The following ITGAV variants were observed in gnomAD, a reference collection of about 807,000 sequenced individuals.
ITGAV encodes the protein integrin subunit alpha V.
ITGAV carries 76 observed loss-of-function variants against 143.8 expected under a neutral mutation model. That is an observed-to-expected ratio of 0.53 (90% CI 0.44 to 0.64). ITGAV has a LOEUF of 0.64. Ranked by LOEUF, ITGAV falls within the 30% of genes least tolerant of loss-of-function variation. The probability of loss-of-function intolerance (pLI) is 0.00; values close to 1 mark genes in which losing one functional copy is unlikely to be tolerated. For synonymous variants in ITGAV, 453 were observed against 446.7 expected, an observed-to-expected ratio of 1.01 and a Z score of -0.18; for missense variants, 1,193 against 1,274.7, an observed-to-expected ratio of 0.94 and a Z score of 0.98.
In ITGAV at chr2:186,640,792, T is replaced by A. The variant is rs567804760; in HGVS notation, c.904-123T>A. The A allele has an allele frequency of 7.1e-6, 5 of 706,288 alleles. No individual in the cohort carries two copies. The East Asian group carries it at 1.4e-4, about 19-fold the overall frequency. 43.8% of individuals were successfully genotyped at this position (706,288 alleles called of 1,614,324 possible). A position where few individuals can be genotyped will look rare whatever the true frequency, so the allele number is the denominator to read the frequency against. On this transcript the variant is annotated intron_variant, in intron 10 of 29. Transcript: ENST00000261023. ...GGTAGAATAAACAAAAGACAAGACA[T>A]TTAGATTGAAGCACTATATGCAGAG... is the stretch of plus-strand genomic sequence containing the variant.
In ITGAV at chr2:186,636,219, C is replaced by G; in HGVS notation, c.757+12C>G. The stretch of plus-strand genomic sequence containing the variant: ...TGACAGCTATTTGGGTAGGTAAAAC[C>G]AAAATTTACTCATTTTTGGAACTGT... On this transcript the variant is annotated intron_variant, in intron 7 of 29. Transcript: ENST00000261023. 1 of 1,603,936 alleles carries G rather than the reference C, an allele frequency of 6.2e-7. No homozygotes were observed.
In ITGAV at chr2:186,656,236, G is replaced by T; in HGVS notation, c.1565-11G>T. ...AGAATATGTTGGTTATAAATCCTTT[G>T]GTTTACATAGATTTCCAGGTGGAAC... On this transcript the variant is annotated splice_polypyrimidine_tract_variant and intron_variant, in intron 16 of 29. Transcript: ENST00000261023. 6.3e-7 allele frequency: 1 copy of T among 1,577,396 alleles called. No individual in the cohort carries two copies. Among genetic ancestry groups the T allele is most frequent in the Non-Finnish European group, 8.6e-7 (1 of 1,166,112 alleles).
chr2:186,636,275 T>G, intron 7 of ITGAV, 68 bp downstream of exon 7: 2 of 1,217,472 alleles, frequency 1.6e-6, no homozygotes, highest in Non-Finnish European at 2.3e-6. Context: ...GAGTATGGTC[T>G]TTTAAGTAGA....
chr2:186,638,535 G>A (rs377631728), intron 10 of ITGAV, 70 bp downstream of exon 10: 27 of 1,127,634 alleles, frequency 2.4e-5, no homozygotes, highest in African/African-American at 1.3e-4. Context: ...GAAAATTTGC[G>A]AAATAAAACT....
At chr2:186,661,939 A>AT (rs1688759248) in intron 18 of ITGAV, among the ~76,000 whole-genome samples, 1 of 152,110 alleles carries the variant, frequency 6.6e-6, no homozygotes, top group East Asian at 1.9e-4. Context: ...TGTAATATAT[A>AT]TAACTGTAGA....
intron 13 of ITGAV, among the ~76,000 whole-genome samples, chr2:186,649,232 T>A (rs1360528205): frequency 6.6e-6 from 1 of 151,896 alleles, no homozygotes; most frequent in Non-Finnish European, 1.5e-5. Context: ...ATTTTGAGCA[T>A]AAAGTTTTAA....
At chr2:186,601,977 A>G in intron 1 of ITGAV, 44 bp from the exon 2 acceptor site, 2 of 1,585,946 alleles carry the variant, frequency 1.3e-6, no homozygotes, top group East Asian at 2.2e-5. Flanking sequence ...TATTGCTTAC[A>G]CTTTGTTTCA....
chr2:186,622,699 G>C (rs967883669), intron 3 of ITGAV, among the ~76,000 whole-genome samples: 1 of 152,040 alleles, frequency 6.6e-6, no homozygotes, highest in Non-Finnish European at 1.5e-5. Context: ...TTTCCACCTA[G>C]CCAAGTATAG....
At chr2:186,615,507 T>C (rs904384328) in intron 2 of ITGAV, among the ~76,000 whole-genome samples, 15 of 152,100 alleles carry the variant, frequency 9.9e-5, no homozygotes, top group Non-Finnish European at 2.2e-4. Flanking sequence ...TCCTAATGAG[T>C]GTGAAGCCAT....
intron 2 of ITGAV, among the ~76,000 whole-genome samples, chr2:186,620,123 C>T (rs1235792076): frequency 6.6e-6 from 1 of 152,186 alleles, no homozygotes; most frequent in East Asian, 1.9e-4. Flanking sequence ...CCTCTTTGCA[C>T]AAGGTTTTCT....
At chr2:186,643,073 G>T (rs936029541) in intron 12 of ITGAV, among the ~76,000 whole-genome samples, 2 of 152,160 alleles carry the variant, frequency 1.3e-5, no homozygotes, top group African/African-American at 4.8e-5. Context: ...TAAAGTTAAT[G>T]AATTCTTTGC....
At chr2:186,649,293 G>C (rs1241913110) in intron 13 of ITGAV, among the ~76,000 whole-genome samples, 1 of 149,964 alleles carries the variant, frequency 6.7e-6, no homozygotes, top group South Asian at 2.1e-4. Flanking sequence ...GTGATTTTCT[G>C]TTTAGAAAAG....
chr2:186,646,146 A>C (rs1172571006), intron 12 of ITGAV, among the ~76,000 whole-genome samples: 1 of 152,222 alleles, frequency 6.6e-6, no homozygotes, highest in Non-Finnish European at 1.5e-5. Flanking sequence ...AATGTTATTC[A>C]TTTATCTTCT....
At position 186,654,662 on chromosome 2, in the gene ITGAV, GT is replaced by G; in HGVS notation, c.1520del (p.Phe507SerfsTer3). 6.5e-7 allele frequency: 1 copy of G among 1,534,050 alleles called. No homozygotes were observed. The highest frequency in any genetic ancestry group is 9.0e-7 in the Non-Finnish European group (1 of 1,115,668). ...TATTTTTCCACAGTTTTAATGTTAG[GT>G]TCTGCTTAAAGGCAGATGGCAAAGG... ...ALKVSCFNVR[F>X]CLKADGKGVL... On this transcript the variant is annotated frameshift_variant, in exon 16 of 30. Coordinates refer to ENST00000261023, the MANE Select transcript of ITGAV (RefSeq NM_002210.5). LOFTEE classifies it high-confidence loss of function.
intron 11 of ITGAV, 79 bp downstream of exon 11, chr2:186,641,046 C>T (rs75528550): frequency 4.4e-6 from 5 of 1,136,204 alleles, no homozygotes; most frequent in Non-Finnish European, 6.4e-6. Context: ...ACATTTTTTT[C>T]TTCTGTTTTT....
At chr2:186,600,277 C>A in intron 1 of ITGAV, 2 of 1,487,058 alleles carry the variant, frequency 1.3e-6, no homozygotes, top group South Asian at 1.2e-5. Context: ...TTCCCTCCAT[C>A]TCTTCATTCC....
chr2:186,650,352 T>C (rs1426501490), intron 14 of ITGAV, among the ~76,000 whole-genome samples: 1 of 151,826 alleles, frequency 6.6e-6, no homozygotes, highest in African/African-American at 2.4e-5. Flanking sequence ...AGGCACATGC[T>C]ACCACACCGG....
intron 19 of ITGAV, among the ~76,000 whole-genome samples, 169 bp downstream of exon 19, chr2:186,664,004 C>G (rs1688820342): frequency 6.6e-6 from 1 of 152,140 alleles, no homozygotes; most frequent in Non-Finnish European, 1.5e-5. Flanking sequence ...AAAATATCCA[C>G]TGTGTTTTCA....
rs1231695732 is a variant in ITGAV at position 186,679,994 on chromosome 2, T to C, written c.*2702T>C. On this transcript the variant is annotated 3_prime_UTR_variant, in exon 30 of 30. Coordinates refer to ENST00000261023, the MANE Select transcript of ITGAV (RefSeq NM_002210.5). Reference sequence around the variant, plus strand: ...GCTGTGAAAGATTTTTGATAGTGAATCATGACCCTAAGGGAGAGATTTGTG... The same window carrying C: ...GCTGTGAAAGATTTTTGATAGTGAACCATGACCCTAAGGGAGAGATTTGTG... The C allele has an allele frequency of 6.6e-6, 1 of 152,112 alleles. No homozygotes were observed. Among genetic ancestry groups the C allele is most frequent in the Non-Finnish European group, 1.5e-5 (1 of 67,956 alleles). 9.4% of individuals were successfully genotyped at this position (152,112 alleles called of 1,614,324 possible).
Sources: allele counts gnomAD v4.1 joint callset (sites outside exome capture counted in the v4.1 genomes callset), GRCh38; gene constraint gnomAD v4.1.1; transcripts MANE v1.5; gene names NCBI Gene and HGNC (gene_info 2026-07-23, HGNC 2026-07-21).